Variants in NEK10 observed in about 807,000 individuals in gnomAD.
NEK10 encodes serine/threonine-protein kinase Nek10.
NEK10 carries 122 observed loss-of-function variants against 159.8 expected under a neutral mutation model. That is an observed-to-expected ratio of 0.76 (90% CI 0.66 to 0.89). NEK10 has a LOEUF of 0.89. Ranked by LOEUF, NEK10 falls within the 40% of genes least tolerant of loss-of-function variation. The pLI, the probability that NEK10 is intolerant of heterozygous loss-of-function variation, is 0.00. For synonymous variants in NEK10, 466 were observed against 457.1 expected, an observed-to-expected ratio of 1.02 and a Z score of -0.25; for missense variants, 1,342 against 1,323.1, an observed-to-expected ratio of 1.01 and a Z score of -0.22.
At chr3:27,142,441 C>G (rs551893266) in intron 30 of NEK10, among the ~76,000 whole-genome samples, 1 of 152,008 alleles carries the variant, frequency 6.6e-6, no homozygotes, top group South Asian at 2.1e-4. Context: ...TTCTCTTTCT[C>G]TTTCCTTTCC....
chr3:27,327,224 A>C (rs984980583), intron 5 of NEK10, among the ~76,000 whole-genome samples: 2 of 152,134 alleles, frequency 1.3e-5, no homozygotes, highest in Non-Finnish European at 2.9e-5. Flanking sequence ...GACTCTGCAG[A>C]TATGTTTAAT....
intron 5 of NEK10, among the ~76,000 whole-genome samples, chr3:27,336,714 A>G (rs750502348): frequency 2.6e-5 from 4 of 152,220 alleles, no homozygotes; most frequent in Non-Finnish European, 4.4e-5. Flanking sequence ...AATAAATGTT[A>G]TACATCACAT....
intron 31 of NEK10, among the ~76,000 whole-genome samples, chr3:27,133,204 A>C (rs769025733): frequency 6.6e-6 from 1 of 152,204 alleles, no homozygotes; most frequent in Non-Finnish European, 1.5e-5. Context: ...AGTAAGAAAT[A>C]AACCTCTATT....
At chr3:27,245,879 T>C (rs1207916534) in intron 23 of NEK10, among the ~76,000 whole-genome samples, 1 of 152,172 alleles carries the variant, frequency 6.6e-6, no homozygotes, top group Non-Finnish European at 1.5e-5. Context: ...TCCTCTTGAA[T>C]CTTGTTCCAA....
chr3:27,179,836 T>C (rs534253933), intron 26 of NEK10, among the ~76,000 whole-genome samples: 1 of 152,330 alleles, frequency 6.6e-6, no homozygotes, highest in Non-Finnish European at 1.5e-5. Context: ...ATCCTAGCAC[T>C]TCAGGAGGCT....
At chr3:27,260,830 G>A (rs1260364974) in intron 22 of NEK10, among the ~76,000 whole-genome samples, 1 of 151,988 alleles carries the variant, frequency 6.6e-6, no homozygotes, top group Non-Finnish European at 1.5e-5. Context: ...GGTAGAATTC[G>A]GCTGTGAATC....
Position 27,141,632 on chromosome 3 carries a change from A to C in NEK10, c.2870-50T>G, listed in dbSNP as rs754209108. 17 of 1,402,056 alleles carry C rather than the reference A, an allele frequency of 1.2e-5. No homozygotes were observed. The South Asian group carries it at 1.6e-4, about 13-fold the overall frequency. The allele number at this position is 1,402,056 out of a possible 1,614,324, so 86.9% of individuals were successfully genotyped here. ...AGTCAAGTTCTCTTTCAAAAGTTAC[A>C]TTAGTGAAAAAATGAAGTAAAATTC... On this transcript the variant is annotated intron_variant, in intron 30 of 35. Transcript: ENST00000691995.
chr3:27,139,807 G>A (rs1943596357), intron 31 of NEK10, among the ~76,000 whole-genome samples: 1 of 152,214 alleles, frequency 6.6e-6, no homozygotes, highest in African/African-American at 2.4e-5. Flanking sequence ...TTTACCATGT[G>A]TGACTTGCAC....
intron 23 of NEK10, among the ~76,000 whole-genome samples, chr3:27,204,298 GTTGTTT>G (rs1950310540): frequency 1.5e-5 from 1 of 65,522 alleles, no homozygotes; most frequent in African/African-American, 6.9e-5. Flanking sequence ...TTTTTTTGTT[GTTGTTT>G]TTTTTTTTTT....
chr3:27,264,361 G>T (rs2149365580), intron 22 of NEK10, among the ~76,000 whole-genome samples: 2 of 152,188 alleles, frequency 1.3e-5, no homozygotes, highest in South Asian at 4.2e-4. Context: ...CAGAACAAGA[G>T]CCTCATGAAC....
intron 1 of NEK10, among the ~76,000 whole-genome samples, chr3:27,365,175 T>G (rs1471072943): frequency 6.6e-6 from 1 of 152,246 alleles, no homozygotes; most frequent in African/African-American, 2.4e-5. Context: ...CTTTTCATAT[T>G]AACTGTCTTT....
rs571390247 is a variant in NEK10, at chr3:27,369,048, C to A, written c.-38+177G>T. ...AAACCCACCTGCTTTGAAAAGACTG[C>A]CTCACGCAGTGACTCACTTACCCAC... is the stretch of plus-strand genomic sequence containing the variant. On this transcript the variant is annotated intron_variant, in intron 1 of 35. Transcript: ENST00000691995. This position sits in a 1 kb window ranked among gnomAD's most constrained non-coding sequence, Gnocchi z 4.2. 5.9e-5 allele frequency: 9 copies of A among 152,574 alleles called. No homozygotes were observed. The highest frequency in any genetic ancestry group is 5.2e-4 in the Admixed American group (8 of 15,308). The allele number at this position is 152,574 out of a possible 1,614,324, so 9.5% of individuals were successfully genotyped here. A position where few individuals can be genotyped will look rare whatever the true frequency, so the allele number is the denominator to read the frequency against.
intron 1 of NEK10, among the ~76,000 whole-genome samples, 188 bp from the exon 2 acceptor site, chr3:27,353,107 C>T (rs772428233): frequency 6.6e-6 from 1 of 152,104 alleles, no homozygotes; most frequent in Non-Finnish European, 1.5e-5. Context: ...ACATTGGGAA[C>T]ATTTAGGGCA....
chr3:27,331,262 A>AACAAAAAAAC, intron 5 of NEK10, among the ~76,000 whole-genome samples: 1 of 110,082 alleles, frequency 9.1e-6, no homozygotes, highest in Non-Finnish European at 2.0e-5. Context: ...AAAAAAAAAA[A>AACAAAAAAAC]ACACACAAAC....
chr3:27,117,099 T>C (rs1940570800), intron 33 of NEK10, among the ~76,000 whole-genome samples: 1 of 152,166 alleles, frequency 6.6e-6, no homozygotes. Context: ...GTTCCCGTGT[T>C]AGTTTGCTGA....
At chr3:27,236,322 T>C (rs1027162886) in intron 23 of NEK10, among the ~76,000 whole-genome samples, 1 of 152,010 alleles carries the variant, frequency 6.6e-6, no homozygotes, top group Non-Finnish European at 1.5e-5. Context: ...ATAAATGAAA[T>C]ATTTTTAAGA....
Position 27,304,742 on chromosome 3 carries a change from C to T in NEK10, c.1028+5G>A. 1 of 1,602,152 alleles carries T rather than the reference C, an allele frequency of 6.2e-7. No homozygotes were observed. Among genetic ancestry groups the T allele is most frequent in the Non-Finnish European group, 8.6e-7 (1 of 1,169,240 alleles). On this transcript the variant is annotated splice_donor_5th_base_variant and intron_variant, in intron 12 of 35. Transcript: ENST00000691995. ...CAAAGTAGGCCAAAGCCCACTTTTA[C>T]TCACCCTTGTAAAATATGAAGAAGC...
At chr3:27,204,009 T>G (rs1357937602) in intron 23 of NEK10, among the ~76,000 whole-genome samples, 2 of 151,832 alleles carry the variant, frequency 1.3e-5, no homozygotes, top group Non-Finnish European at 2.9e-5. Context: ...AAAAAAAAAA[T>G]GCTTTAACAA....
At chr3:27,298,038 G>A (rs1475053380) in intron 13 of NEK10, among the ~76,000 whole-genome samples, 2 of 152,112 alleles carry the variant, frequency 1.3e-5, no homozygotes, top group East Asian at 1.9e-4. Flanking sequence ...AGAAATTAAG[G>A]AACTTTCCCA....
Sources: allele counts gnomAD v4.1 joint callset (sites outside exome capture counted in the v4.1 genomes callset), GRCh38; gene constraint gnomAD v4.1.1; non-coding constraint Gnocchi (gnomAD v3.1); transcripts MANE v1.5; gene names NCBI Gene and HGNC (gene_info 2026-07-23, HGNC 2026-07-21).